Variants in TFCP2L1 observed in about 807,000 individuals in gnomAD.
TFCP2L1 encodes transcription factor CP2 like 1.
TFCP2L1 carries 12 observed loss-of-function variants against 72.2 expected under a neutral mutation model. The ratio of observed to expected loss-of-function variants is 0.17; its 90% CI spans 0.11 to 0.27. The LOEUF (loss-of-function observed/expected upper bound fraction) is 0.27, where lower values mean the gene tolerates loss of function less well. Ranked by LOEUF, TFCP2L1 falls within the 10% of genes least tolerant of loss-of-function variation. TFCP2L1 has a pLI of 1.00. For missense variants in TFCP2L1, 488 were observed against 624.6 expected (o/e 0.78, Z 2.33); for synonymous variants, 260 against 251.0 (o/e 1.04, Z -0.34).
At chr2:121,250,227 C>T (rs1271537612) in intron 2 of TFCP2L1, among the ~76,000 whole-genome samples, 6 of 152,006 alleles carry the variant, frequency 3.9e-5, no homozygotes, top group African/African-American at 1.4e-4. Context: ...AAAAAACATC[C>T]ATCCATAACA....
At position 121,269,918 on chromosome 2, in the gene TFCP2L1, A is replaced by AAT. The variant is rs10531350; in HGVS notation, c.214+11200_214+11201dup. ...AGCAAGACTCCATCTAAAAAAAAAAAATATATATATATATATATGCAAAAG... is the reference window on the plus strand; with the variant it reads ...AGCAAGACTCCATCTAAAAAAAAAAAATATATATATATATATATATGCAAAAG... On this transcript the variant is annotated intron_variant, in intron 2 of 14. Transcript: ENST00000263707. Among the ~76,000 whole-genome samples the AAT allele has an allele frequency of 1.1e-3, 132 of 114,836 alleles. 1 individual carries two copies. The highest frequency in any genetic ancestry group is 5.8e-3 in the East Asian group (15 of 2,600). The allele number at this position is 114,836 out of a possible 152,430, so 75.3% of individuals were successfully genotyped here. A position where few individuals can be genotyped will look rare whatever the true frequency, so the allele number is the denominator to read the frequency against.
rs772203047 is a variant in TFCP2L1 at position 121,242,413 on chromosome 2, A to C, written c.714T>G (p.Thr238=). The C allele has an allele frequency of 1.2e-6, 2 of 1,614,004 alleles. No homozygotes were observed. Among genetic ancestry groups the C allele is most frequent in the African/African-American group, 1.3e-5 (1 of 74,908 alleles). ...KTDREKMEKR[T]AQEKEKYQPS... ...GCTGGTATTTCTCCTTCTCTTGGGC[A>C]GTTCTTTTCTCCATCTTCTCCCGGT... The change falls in exon 7 of 15, where the codon ACT becomes ACG. Residue 238 remains threonine, a synonymous_variant. Transcript: ENST00000263707.
chr2:121,225,661 T>C (rs372202891), intron 13 of TFCP2L1, 48 bp from the exon 14 acceptor site: 2 of 1,608,368 alleles, frequency 1.2e-6, no homozygotes, highest in Admixed American at 1.7e-5. Flanking sequence ...GAGTTCATCA[T>C]TTGGAAAGCC....
chr2:121,269,498 T>C (rs1232952306), intron 2 of TFCP2L1, among the ~76,000 whole-genome samples: 5 of 151,864 alleles, frequency 3.3e-5, no homozygotes, highest in African/African-American at 9.7e-5. Flanking sequence ...CAGTGGCTCA[T>C]GCGTATAATC....
At chr2:121,247,470 T>C (rs1686512749) in intron 5 of TFCP2L1, among the ~76,000 whole-genome samples, 1 of 152,006 alleles carries the variant, frequency 6.6e-6, no homozygotes, top group South Asian at 2.1e-4. Context: ...GTTATAATAC[T>C]GCAATATTAT....
chr2:121,263,140 G>T (rs1366098416), intron 2 of TFCP2L1, among the ~76,000 whole-genome samples: 1 of 152,114 alleles, frequency 6.6e-6, no homozygotes, highest in Non-Finnish European at 1.5e-5. Flanking sequence ...TCTCCACGTT[G>T]ATCAGGCTGG....
At chr2:121,246,783 A>G in intron 6 of TFCP2L1, 35 bp downstream of exon 6, 1 of 1,612,666 alleles carries the variant, frequency 6.2e-7, no homozygotes, top group South Asian at 1.1e-5. Flanking sequence ...CCAGGCCAGC[A>G]GCAGGGCACG....
rs563607619 is a variant in TFCP2L1, at chr2:121,271,588, ATAAC to A, written c.214+9528_214+9531del. 3.0e-4 allele frequency among the ~76,000 whole-genome samples: 45 copies of A among 152,374 alleles called. No homozygotes were observed. The East Asian group carries it at 8.3e-3, about 28-fold the overall frequency. ...CTATGGAAAAAAGACAATAAACAAA[ATAAC>A]TAATCCTTTGCCTCATTCCTTAAAT... On this transcript the variant is annotated intron_variant, in intron 2 of 14. Coordinates refer to ENST00000263707, the MANE Select transcript of TFCP2L1 (RefSeq NM_014553.3).
chr2:121,254,759 T>C (rs1686682286), intron 2 of TFCP2L1, among the ~76,000 whole-genome samples: 2 of 150,842 alleles, frequency 1.3e-5, no homozygotes, highest in Admixed American at 1.3e-4. Context: ...GCCAAGATCA[T>C]GCCACTGCGC....
chr2:121,272,537 C>G (rs1237726353), intron 2 of TFCP2L1, among the ~76,000 whole-genome samples: 1 of 152,160 alleles, frequency 6.6e-6, no homozygotes, highest in Non-Finnish European at 1.5e-5. Flanking sequence ...CCAAAGCTAC[C>G]ACCGTTTAAC....
Position 121,248,169 on chromosome 2 carries a change from T to A in TFCP2L1, c.499A>T (p.Ile167Phe), listed in dbSNP as rs376738163. 13 of 1,613,522 alleles carry A rather than the reference T, an allele frequency of 8.1e-6. No homozygotes were observed. The highest frequency in any genetic ancestry group is 1.1e-5 in the Non-Finnish European group (13 of 1,179,864). ...GCAAGCTCCCTGTGGCCCACCTGAATGAATGCAGAAGCTCTCTTCGCAGGG... is the reference window on the plus strand; with the variant it reads ...GCAAGCTCCCTGTGGCCCACCTGAAAGAATGCAGAAGCTCTCTTCGCAGGG... ...WDPAKRASAF[I>F]QVHCISTEFT... Residue 167 changes from isoleucine to phenylalanine, a missense_variant, in exon 5 of 15, where the codon ATT becomes TTT. Ile to Phe is a conservative substitution (Grantham distance 21). Around this residue, in one of 3 missense-constraint regions of TFCP2L1, gnomAD observed 129 missense variants for 236.0 expected, o/e 0.55. Transcript: ENST00000263707.
intron 2 of TFCP2L1, among the ~76,000 whole-genome samples, chr2:121,262,995 G>A (rs962689457): frequency 1.3e-5 from 2 of 152,164 alleles, no homozygotes; most frequent in South Asian, 2.1e-4. Flanking sequence ...GAGTGCAATG[G>A]CACAATCTCA....
At chr2:121,231,505 A>T (rs1686142268) in intron 13 of TFCP2L1, among the ~76,000 whole-genome samples, 1 of 152,102 alleles carries the variant, frequency 6.6e-6, no homozygotes, top group Non-Finnish European at 1.5e-5. Context: ...ACTGTCGCCC[A>T]CCCTGGGGGA....
In TFCP2L1 at chr2:121,281,142, C is replaced by A; in HGVS notation, c.192G>T (p.Glu64Asp). 1 of 1,614,024 alleles carries A rather than the reference C, an allele frequency of 6.2e-7. No homozygotes were observed. Among genetic ancestry groups the A allele is most frequent in the Non-Finnish European group, 8.5e-7 (1 of 1,180,030 alleles). Residue 64 changes from glutamate to aspartate, a missense_variant, in exon 2 of 15, where the codon GAG becomes GAT. Coordinates refer to ENST00000263707, the MANE Select transcript of TFCP2L1 (RefSeq NM_014553.3). The stretch of plus-strand genomic sequence containing the variant: ...TACCTTGGTTGAGGTAGGTCAGCGT[C>A]TCTTCATGCAGCTTCACGGCTGGGG... ...ATSPAVKLHE[E>D]TLTYLNQGQS...
At chr2:121,256,856 C>T (rs981499666) in intron 2 of TFCP2L1, among the ~76,000 whole-genome samples, 10 of 151,862 alleles carry the variant, frequency 6.6e-5, no homozygotes, top group African/African-American at 1.5e-4. Flanking sequence ...CTCAGGAGGC[C>T]GAGGCAGGAG....
At position 121,235,546 on chromosome 2, in the gene TFCP2L1, T is replaced by C. The variant is rs186039277; in HGVS notation, c.1004-235A>G. 1.4e-3 allele frequency among the ~76,000 whole-genome samples: 214 copies of C among 151,206 alleles called. 1 individual carries two copies. The highest frequency in any genetic ancestry group is 8.8e-3 in the Admixed American group (133 of 15,134). On this transcript the variant is annotated intron_variant, in intron 10 of 14. Transcript: ENST00000263707. The stretch of plus-strand genomic sequence containing the variant: ...AAGCCAATAGGTCCCCACTGCCTCA[T>C]TGCCTGCCCTGCTTGCTTTCTTTCT...
intron 12 of TFCP2L1, among the ~76,000 whole-genome samples, chr2:121,233,093 G>A (rs765721722): frequency 1.1e-4 from 16 of 152,168 alleles, no homozygotes; most frequent in East Asian, 5.8e-4. Flanking sequence ...CAAGGCAGGC[G>A]GATTTCTGGA....
At chr2:121,226,307 T>C (rs1406970422) in intron 13 of TFCP2L1, among the ~76,000 whole-genome samples, 25 of 150,948 alleles carry the variant, frequency 1.7e-4, no homozygotes, top group Admixed American at 1.6e-3. Context: ...CCCAACCATC[T>C]AGTATGAATA....
chr2:121,249,007 C>A lies in TFCP2L1; in HGVS notation c.372G>T (p.Arg124=), dbSNP rs528515466. ...HQQLEGWRWS[R]PGDRILDIDI... is the part of the protein sequence containing the mutation. The stretch of plus-strand genomic sequence containing the variant: ...CGATGTCCAGGATCCGGTCCCCTGG[C>A]CGACTCCACCGCCAGCCCTCCAGCT... Residue 124 remains arginine, a synonymous_variant, in exon 4 of 15, where the codon CGG becomes CGT. Coordinates refer to ENST00000263707, the MANE Select transcript of TFCP2L1 (RefSeq NM_014553.3). The A allele has an allele frequency of 2.7e-5, 44 of 1,602,628 alleles. No individual in the cohort carries two copies. Among genetic ancestry groups the A allele is most frequent in the Non-Finnish European group, 3.6e-5 (42 of 1,175,152 alleles).
Sources: allele counts gnomAD v4.1 joint callset (sites outside exome capture counted in the v4.1 genomes callset), GRCh38; gene constraint gnomAD v4.1.1; regional missense constraint gnomAD v4.1.1; transcripts MANE v1.5; gene names NCBI Gene and HGNC (gene_info 2026-07-23, HGNC 2026-07-21).